The following SNTG1 variants were observed in gnomAD, a reference collection of about 807,000 sequenced individuals.
The protein encoded by SNTG1 is gamma-1-syntrophin.
SNTG1 carries 39 observed loss-of-function variants against 74.7 expected under a neutral mutation model. That is an observed-to-expected ratio of 0.52 (90% CI 0.40 to 0.68). SNTG1 has a LOEUF of 0.68. Ranked by LOEUF, SNTG1 falls within the 30% of genes least tolerant of loss-of-function variation. SNTG1 has a pLI of 0.00. For synonymous variants in SNTG1, 254 were observed against 217.1 expected (o/e 1.17, Z -1.49); for missense variants, 685 against 609.5 (o/e 1.12, Z -1.30).
At chr8:50,463,842 A>G (rs1490923473) in intron 8 of SNTG1, among the ~76,000 whole-genome samples, 2 of 152,212 alleles carry the variant, frequency 1.3e-5, no homozygotes, top group Non-Finnish European at 2.9e-5. Context: ...TGAAAGTCCT[A>G]GAAGGCATCC....
At chr8:50,258,241 G>C (rs945486107) in intron 2 of SNTG1, among the ~76,000 whole-genome samples, 1 of 152,170 alleles carries the variant, frequency 6.6e-6, no homozygotes, top group African/African-American at 2.4e-5. Context: ...TGCTAATACT[G>C]TATATTTTGA....
intron 5 of SNTG1, among the ~76,000 whole-genome samples, chr8:50,439,230 G>A (rs2093335577): frequency 6.6e-6 from 1 of 152,084 alleles, no homozygotes; most frequent in African/African-American, 2.4e-5. Context: ...AATTTTTAAA[G>A]CATAGGAAAT....
chr8:50,253,479 G>C (rs1199965246), intron 2 of SNTG1, among the ~76,000 whole-genome samples: 2 of 151,870 alleles, frequency 1.3e-5, no homozygotes, highest in Non-Finnish European at 2.9e-5. Flanking sequence ...GAGCCATTGG[G>C]TATAAATCCA....
chr8:50,094,587 C>T (rs1042939286), intron 1 of SNTG1, among the ~76,000 whole-genome samples: 3 of 152,064 alleles, frequency 2.0e-5, no homozygotes, highest in East Asian at 1.9e-4. Flanking sequence ...AAAAAAAATG[C>T]TCCACATCAC....
At chr8:50,184,283 A>G (rs2131734392) in intron 2 of SNTG1, among the ~76,000 whole-genome samples, 1 of 152,094 alleles carries the variant, frequency 6.6e-6, no homozygotes, top group South Asian at 2.1e-4. Flanking sequence ...CTCCTGCCTC[A>G]GCCTCCTGAA....
chr8:50,475,157 A>G (rs901251397), intron 8 of SNTG1, among the ~76,000 whole-genome samples: 1 of 151,846 alleles, frequency 6.6e-6, no homozygotes, highest in Admixed American at 6.6e-5. Flanking sequence ...CAGCACACCG[A>G]CGTGGCACAT....
intron 2 of SNTG1, among the ~76,000 whole-genome samples, chr8:50,236,137 C>T (rs1245493782): frequency 1.3e-5 from 2 of 152,054 alleles, no homozygotes; most frequent in African/African-American, 4.8e-5. Flanking sequence ...GATGGTTTTT[C>T]CACATTACAC....
At chr8:50,260,248 C>G (rs541337367) in intron 2 of SNTG1, among the ~76,000 whole-genome samples, 1 of 152,254 alleles carries the variant, frequency 6.6e-6, no homozygotes, top group East Asian at 1.9e-4. Flanking sequence ...GGGGGAAGAA[C>G]AATACTCAAC....
At chr8:50,020,829 T>C (rs542194580) in intron 1 of SNTG1, among the ~76,000 whole-genome samples, 1 of 152,262 alleles carries the variant, frequency 6.6e-6, no homozygotes, top group African/African-American at 2.4e-5. Context: ...CAAAAAGGCA[T>C]TATTTACTTA....
At chr8:50,007,893 C>T (rs920373800) in intron 1 of SNTG1, among the ~76,000 whole-genome samples, 1 of 151,978 alleles carries the variant, frequency 6.6e-6, no homozygotes, top group Non-Finnish European at 1.5e-5. Context: ...TGGTGGGAGG[C>T]AAAGGAGAAG....
chr8:50,698,397 C>T (rs1016491771), intron 15 of SNTG1, among the ~76,000 whole-genome samples: 1 of 152,094 alleles, frequency 6.6e-6, no homozygotes, highest in Non-Finnish European at 1.5e-5. Flanking sequence ...TAGTTGTCAA[C>T]ACAAGCTGCC....
chr8:50,079,412 T>G (rs1445180702), intron 1 of SNTG1, among the ~76,000 whole-genome samples: 3 of 150,558 alleles, frequency 2.0e-5, no homozygotes, highest in Non-Finnish European at 4.4e-5. Flanking sequence ...GGTTGTTTGT[T>G]TTTTTTTTTC....
chr8:50,230,523 G>A (rs564988270), intron 2 of SNTG1, among the ~76,000 whole-genome samples: 10 of 151,166 alleles, frequency 6.6e-5, no homozygotes, highest in Non-Finnish European at 1.2e-4. Flanking sequence ...ACATAATTTC[G>A]GAGCTTTATT....
intron 15 of SNTG1, among the ~76,000 whole-genome samples, chr8:50,670,871 C>T (rs2095277994): frequency 1.3e-5 from 2 of 151,068 alleles, no homozygotes; most frequent in African/African-American, 2.5e-5. Context: ...CAGAACAGAG[C>T]CCTCAGAAAT....
At chr8:50,635,011 T>C (rs2095029665) in intron 13 of SNTG1, among the ~76,000 whole-genome samples, 1 of 152,152 alleles carries the variant, frequency 6.6e-6, no homozygotes, top group South Asian at 2.1e-4. Context: ...TCCTGGGCCC[T>C]AGTGGTTCAT....
At chr8:50,554,879 TC>T (rs1439996015) in intron 12 of SNTG1, among the ~76,000 whole-genome samples, 2 of 152,126 alleles carry the variant, frequency 1.3e-5, no homozygotes, top group Non-Finnish European at 2.9e-5. Flanking sequence ...ATAATTGTGT[TC>T]TTTTGAAAGA....
intron 1 of SNTG1, among the ~76,000 whole-genome samples, chr8:50,170,422 A>G (rs1162391401): frequency 6.6e-6 from 1 of 152,152 alleles, no homozygotes; most frequent in Non-Finnish European, 1.5e-5. Context: ...TTCTAGTGCA[A>G]TTAACATTAT....
intron 15 of SNTG1, among the ~76,000 whole-genome samples, chr8:50,662,955 A>G (rs1004953354): frequency 1.3e-5 from 2 of 152,220 alleles, no homozygotes; most frequent in Non-Finnish European, 2.9e-5. Context: ...GGATAAATAC[A>G]ACAGTATAAG....
intron 1 of SNTG1, among the ~76,000 whole-genome samples, chr8:49,934,483 A>G (rs1465279891): frequency 1.3e-5 from 2 of 152,180 alleles, no homozygotes; most frequent in African/African-American, 2.4e-5. Flanking sequence ...TTCAATATAA[A>G]ATAACTGATG....
Sources: gnomAD v4.1 joint callset for allele counts (sites outside exome capture counted in the v4.1 genomes callset) on GRCh38, gnomAD v4.1.1 for gene constraint, MANE v1.5 for transcripts, NCBI Gene and HGNC (gene_info 2026-07-23, HGNC 2026-07-21) for gene names.